Variants in ZNF236 observed in about 807,000 individuals in gnomAD.
ZNF236 encodes zinc finger protein 236, also known as regulated by glucose.
In ZNF236, 50 loss-of-function variants were observed where a neutral mutation model predicts 191.2. The ratio of observed to expected loss-of-function variants is 0.26; its 90% CI spans 0.21 to 0.33. The LOEUF (loss-of-function observed/expected upper bound fraction) is 0.33, where lower values mean the gene tolerates loss of function less well. Among genes scored for constraint, ZNF236 ranks in the 10% least tolerant of loss-of-function variants. ZNF236 has a pLI of 1.00. For synonymous variants in ZNF236, 907 were observed against 928.8 expected (o/e 0.98, Z 0.43); for missense variants, 1,754 against 2,374.5 (o/e 0.74, Z 5.43).
At chr18:76,933,176 G>A (rs527642319) in intron 25 of ZNF236, among the ~76,000 whole-genome samples, 38 of 151,990 alleles carry the variant, frequency 2.5e-4, no homozygotes, top group South Asian at 6.2e-4. Flanking sequence ...TTTTTTTAAA[G>A]AGCCAGCCGA....
At chr18:76,957,217 G>A (rs1309959895) in intron 28 of ZNF236, among the ~76,000 whole-genome samples, 3 of 152,154 alleles carry the variant, frequency 2.0e-5, no homozygotes, top group Admixed American at 2.0e-4. Flanking sequence ...ACTAGAAGAA[G>A]GGAGAGTCCT....
chr18:76,921,204 A>T (rs1967523091), intron 20 of ZNF236, among the ~76,000 whole-genome samples: 2 of 152,258 alleles, frequency 1.3e-5, no homozygotes, highest in South Asian at 4.1e-4. Flanking sequence ...CGACCACAGC[A>T]GGAAGGGGAG....
chr18:76,923,254 C>T (rs1967587271), intron 21 of ZNF236, 80 bp downstream of exon 21: 1 of 958,584 alleles, frequency 1.0e-6, no homozygotes, highest in South Asian at 1.5e-5. Flanking sequence ...ATTTTGTGTA[C>T]ATAAATACTT....
chr18:76,943,332 A>C (rs374724983), intron 26 of ZNF236, among the ~76,000 whole-genome samples: 10 of 152,194 alleles, frequency 6.6e-5, no homozygotes, highest in African/African-American at 2.2e-4. Context: ...TCCAAACTTT[A>C]GACTCTTCAG....
chr18:76,906,134 G>A (rs369229727), intron 13 of ZNF236, among the ~76,000 whole-genome samples: 3 of 152,274 alleles, frequency 2.0e-5, no homozygotes, highest in East Asian at 3.9e-4. Flanking sequence ...TGTCTGCCTG[G>A]ATGTCGTCTA....
chr18:76,898,910 A>T (rs1353355659), intron 10 of ZNF236, 109 bp from the exon 11 acceptor site: 1 of 928,158 alleles, frequency 1.1e-6, no homozygotes, highest in Non-Finnish European at 1.6e-6. Context: ...ATGGCCTAAT[A>T]AATTGAAGGT....
intron 3 of ZNF236, among the ~76,000 whole-genome samples, chr18:76,861,733 C>T (rs544853683): frequency 1.3e-5 from 2 of 152,240 alleles, no homozygotes; most frequent in South Asian, 4.2e-4. Flanking sequence ...CTTCCTTCTC[C>T]TAGGGGTCCC....
rs768877626 is a variant in ZNF236 at position 76,910,775 on chromosome 18, C to T, written c.2769C>T (p.Ser923=). 1 of 1,614,186 alleles carries T rather than the reference C, an allele frequency of 6.2e-7. No homozygotes were observed. Among genetic ancestry groups the T allele is most frequent in the South Asian group, 1.1e-5 (1 of 91,076 alleles). Residue 923 remains serine (S), a synonymous_variant, in exon 16 of 31, where the codon AGC becomes AGT. Transcript: ENST00000320610. ...TCTCCACAAGCTTCCACCAGCAGAG[C>T]TTGCTGCAGGCTCCCAGCTCTGATG... ...QALSTSFHQQ[S]LLQAPSSDGM... is the part of the protein sequence containing the mutation.
At chr18:76,824,896 C>CCTGCTAGTCCTGGGCT (rs1237870758) in intron 1 of ZNF236, among the ~76,000 whole-genome samples, 2 of 152,204 alleles carry the variant, frequency 1.3e-5, no homozygotes, top group African/African-American at 2.4e-5. Flanking sequence ...CTTCCTGGGC[C>CCTGCTAGTCCTGGGCT]CTGCTAGTCC....
At chr18:76,931,520 A>G (rs900555860) in intron 25 of ZNF236, among the ~76,000 whole-genome samples, 6 of 151,840 alleles carry the variant, frequency 4.0e-5, no homozygotes, top group African/African-American at 1.5e-4. Flanking sequence ...TTAGCATGTT[A>G]ATAACTCCAT....
At position 76,934,229 on chromosome 18, in the gene ZNF236, A is replaced by C. The variant is rs545416706; in HGVS notation, c.4595-2927A>C. On this transcript the variant is annotated intron_variant, in intron 25 of 30. Coordinates refer to ENST00000320610, the MANE Select transcript of ZNF236 (RefSeq NM_001306089.2). ...GAATCCAGGCGAGACAATTAGTCAGAATTTCACATGCAGGACAAAAGCACA... is the reference window on the plus strand; with the variant it reads ...GAATCCAGGCGAGACAATTAGTCAGCATTTCACATGCAGGACAAAAGCACA... Among the ~76,000 whole-genome samples, 4 of 152,374 alleles carry C rather than the reference A, an allele frequency of 2.6e-5. No homozygotes were observed. The East Asian group carries it at 7.7e-4, about 29-fold the overall frequency.
intron 1 of ZNF236, among the ~76,000 whole-genome samples, chr18:76,836,574 T>TTTA (rs577313875): frequency 0.011 from 1,668 of 151,630 alleles, 23 homozygotes; most frequent in African/African-American, 0.038. Flanking sequence ...CATTTATTTA[T>TTTA]TTATTATTAT....
At chr18:76,826,257 G>A (rs1012807264) in intron 1 of ZNF236, among the ~76,000 whole-genome samples, 17 of 150,960 alleles carry the variant, frequency 1.1e-4, no homozygotes, top group Admixed American at 2.6e-4. Flanking sequence ...TATTACAGGC[G>A]TGAGCCACCA....
In ZNF236 at chr18:76,884,426, G is replaced by A. The variant is rs114613329; in HGVS notation, c.1417+2914G>A. On this transcript the variant is annotated intron_variant, in intron 9 of 30. Transcript: ENST00000320610. The stretch of plus-strand genomic sequence containing the variant: ...AAAAAAAAAAAAAAAGAAATTTATC[G>A]TGGTGAAATATTGCCTATCTAGAAA... 9.4e-3 allele frequency among the ~76,000 whole-genome samples: 1,432 copies of A among 151,852 alleles called. 22 individuals carry two copies. The highest frequency in any genetic ancestry group is 0.032 in the African/African-American group (1,344 of 41,366).
Position 76,880,215 on chromosome 18 carries a change from C to T in ZNF236, c.1087C>T (p.Leu363Phe). ...SQAVSDVIQQ[L>F]LELSEPAPVE... ...GGCGGTGAGCGACGTCATCCAGCAG[C>T]TCCTGGAGCTCTCAGAGCCGGCGCC... The change falls in exon 8 of 31, where the codon CTC becomes TTC. Residue 363 changes from leucine to phenylalanine, a missense_variant. This residue lies in a region of ZNF236 where 336 missense variants were observed against 495.1 expected (regional missense o/e 0.68). Coordinates refer to ENST00000320610, the MANE Select transcript of ZNF236 (RefSeq NM_001306089.2). The surrounding 1 kb of genome is among the most constrained non-coding windows in gnomAD (Gnocchi z 5.0). 5.0e-6 allele frequency: 8 copies of T among 1,614,170 alleles called. No individual in the cohort carries two copies. Among genetic ancestry groups the T allele is most frequent in the Non-Finnish European group, 6.8e-6 (8 of 1,180,024 alleles).
chr18:76,842,098 A>G, intron 1 of ZNF236, among the ~76,000 whole-genome samples: 1 of 152,132 alleles, frequency 6.6e-6, no homozygotes, highest in East Asian at 1.9e-4. Flanking sequence ...AATTATTACT[A>G]GCTATGCCAC....
At position 76,961,168 on chromosome 18, in the gene ZNF236, C is replaced by T. The variant is rs541230277; in HGVS notation, c.5419+313C>T. 2.0e-4 allele frequency among the ~76,000 whole-genome samples: 31 copies of T among 152,132 alleles called. 2 individuals are homozygous for T. The South Asian group carries it at 6.2e-3, about 31-fold the overall frequency. On this transcript the variant is annotated intron_variant, in intron 30 of 30. Transcript: ENST00000320610. ...ATCCCTCACCCCCTTCCCATTCTTT[C>T]CCCCCGAGTCCCCAAAGTCCATTGT... is the stretch of plus-strand genomic sequence containing the variant.
intron 27 of ZNF236, among the ~76,000 whole-genome samples, chr18:76,952,455 G>T (rs1437280197): frequency 1.3e-5 from 2 of 152,236 alleles, no homozygotes; most frequent in Non-Finnish European, 2.9e-5. Context: ...TGAGACACAT[G>T]CCTGGGTCTG....
chr18:76,905,688 G>A (rs1599381735), intron 13 of ZNF236, among the ~76,000 whole-genome samples: 1 of 152,122 alleles, frequency 6.6e-6, no homozygotes, highest in African/African-American at 2.4e-5. Flanking sequence ...TTTTAAAGCT[G>A]TTAGTTGGTA....
Sources: allele counts gnomAD v4.1 joint callset (sites outside exome capture counted in the v4.1 genomes callset), GRCh38; gene constraint gnomAD v4.1.1; regional missense constraint gnomAD v4.1.1; non-coding constraint Gnocchi (gnomAD v3.1); transcripts MANE v1.5; gene names NCBI Gene and HGNC (gene_info 2026-07-23, HGNC 2026-07-21).